ANK2: variants seen among roughly 807,000 people sequenced by gnomAD.
The protein encoded by ANK2 is ankyrin 2.
In ANK2, 83 loss-of-function variants were observed where a neutral mutation model predicts 360.5. The observed-to-expected ratio is 0.23, with a 90% CI of 0.19 to 0.28. ANK2 has a LOEUF of 0.28. Among genes scored for constraint, ANK2 ranks in the 10% least tolerant of loss-of-function variants. The pLI, the probability that ANK2 is intolerant of heterozygous loss-of-function variation, is 1.00. For synonymous variants in ANK2, 1,740 were observed against 1,759.5 expected, an observed-to-expected ratio of 0.99 and a Z score of 0.28; for missense variants, 4,201 against 4,795.7, an observed-to-expected ratio of 0.88 and a Z score of 3.66.
At chr4:112,783,894 C>T in the ANK2 span, among the ~76,000 whole-genome samples, 1 of 152,046 alleles carries the variant, frequency 6.6e-6, no homozygotes, top group South Asian at 2.1e-4. Context: ...CGTGATCCGA[C>T]CACCTCAGCC....
In ANK2 at chr4:113,151,354, C is replaced by T. The variant is rs908349088; in HGVS notation, c.85-23062C>T. ...TCTGCAAGCTGTACAAGAAGCATTG[C>T]ACCAGCATCTGCTTTTGGTGAGGGC... is the stretch of plus-strand genomic sequence containing the variant. On this transcript the variant is annotated intron_variant, in intron 1 of 45. Transcript: ENST00000357077. 4.4e-5 allele frequency: 14 copies of T among 318,940 alleles called. No homozygotes were observed. In the Admixed American group the frequency reaches 6.2e-4, roughly 14 times the overall value. The allele number at this position is 318,940 out of a possible 1,614,324, so 19.8% of individuals were successfully genotyped here. A position where few individuals can be genotyped will look rare whatever the true frequency, so the allele number is the denominator to read the frequency against.
the ANK2 span, among the ~76,000 whole-genome samples, chr4:112,812,078 A>AAAT: frequency 8.3e-6 from 1 of 120,246 alleles, no homozygotes; most frequent in African/African-American, 4.2e-5. Flanking sequence ...CCGTCTCAAA[A>AAAT]AAAAAAAAAA....
intron 1 of ANK2, among the ~76,000 whole-genome samples, chr4:113,131,050 CTG>C (rs2095994663): frequency 6.6e-6 from 1 of 152,164 alleles, no homozygotes; most frequent in South Asian, 2.1e-4. Flanking sequence ...TGTTAATGCA[CTG>C]TGTTTCCATC....
intron 15 of ANK2, 72 bp downstream of exon 15, chr4:113,274,721 T>C: frequency 1.3e-6 from 2 of 1,512,524 alleles, no homozygotes; most frequent in Non-Finnish European, 1.8e-6. Flanking sequence ...CTCTACCACA[T>C]ACAGAATCAA....
chr4:113,336,355 C>A, intron 30 of ANK2: 1 of 587,756 alleles, frequency 1.7e-6, no homozygotes, highest in South Asian at 2.4e-5. Flanking sequence ...TCAGATTATT[C>A]CTAGTAAGCA....
chr4:112,826,382 G>T, intron 1 of ANK2: 1 of 1,001,954 alleles, frequency 1.0e-6, no homozygotes. Context: ...AACCTGAAAA[G>T]CCAGTTGTCC....
intron 2 of ANK2, among the ~76,000 whole-genome samples, chr4:113,032,964 A>G (rs1013450796): frequency 7.2e-5 from 11 of 152,056 alleles, no homozygotes; most frequent in Non-Finnish European, 1.5e-4. Context: ...GACATTCACT[A>G]TATCATAAAA....
upstream of ANK2, among the ~76,000 whole-genome samples, chr4:113,047,841 C>T (rs1291626144): frequency 4.0e-5 from 6 of 151,786 alleles, no homozygotes; most frequent in East Asian, 1.9e-4. Flanking sequence ...CAGATGATGA[C>T]GTGGAGGGGC....
At chr4:113,019,966 A>G (rs1322497219) in intron 2 of ANK2, among the ~76,000 whole-genome samples, 1 of 152,110 alleles carries the variant, frequency 6.6e-6, no homozygotes, top group Non-Finnish European at 1.5e-5. Flanking sequence ...ATTGTTTATT[A>G]TGTGAAAGAT....
chr4:112,759,190 C>T, the ANK2 span, among the ~76,000 whole-genome samples: 1 of 152,074 alleles, frequency 6.6e-6, no homozygotes, highest in Non-Finnish European at 1.5e-5. Context: ...GTTTAGAGTG[C>T]AGGGGCGTGA....
the ANK2 span, among the ~76,000 whole-genome samples, chr4:112,725,861 G>A: frequency 0.69 from 105,528 of 151,984 alleles, 36,754 homozygotes; most frequent in African/African-American, 0.72. Context: ...TAGCACAACA[G>A]TGTAAATGTG....
chr4:112,920,808 A>T (rs2091279386), intron 2 of ANK2, among the ~76,000 whole-genome samples: 2 of 152,110 alleles, frequency 1.3e-5, no homozygotes, highest in South Asian at 4.1e-4. Flanking sequence ...TGGCACATAC[A>T]TGTACTTGAG....
At chr4:112,811,814 C>A in the ANK2 span, among the ~76,000 whole-genome samples, 5 of 152,252 alleles carry the variant, frequency 3.3e-5, no homozygotes, top group African/African-American at 1.2e-4. Flanking sequence ...CGGTGGCTCA[C>A]GCCTGTAATC....
intron 37 of ANK2, chr4:113,350,744 T>TCAC: frequency 6.5e-6 from 1 of 154,980 alleles, no homozygotes; most frequent in Admixed American, 6.4e-5. Flanking sequence ...CCCTCCCCCA[T>TCAC]CACTCTTTTG....
chr4:113,120,132 G>A (rs2095253193), intron 1 of ANK2, among the ~76,000 whole-genome samples: 4 of 151,912 alleles, frequency 2.6e-5, no homozygotes, highest in Admixed American at 2.0e-4. Flanking sequence ...ATTTAAATAT[G>A]GTATAGTACC....
the ANK2 span, among the ~76,000 whole-genome samples, chr4:112,765,364 CTTTT>C: frequency 6.6e-6 from 1 of 152,086 alleles, no homozygotes; most frequent in East Asian, 1.9e-4. Flanking sequence ...TTCCTCATCC[CTTTT>C]TTTATGACCT....
chr4:113,346,503 T>C (rs1490354114), intron 35 of ANK2, among the ~76,000 whole-genome samples: 1 of 152,158 alleles, frequency 6.6e-6, no homozygotes, highest in Non-Finnish European at 1.5e-5. Context: ...TGCCCCGTGA[T>C]ATTTTATTTT....
At chr4:113,318,430 C>A in intron 25 of ANK2, 87 bp from the exon 26 acceptor site, 1 of 1,066,348 alleles carries the variant, frequency 9.4e-7, no homozygotes, top group Middle Eastern at 2.0e-4. Flanking sequence ...ATACCACTTT[C>A]CAGTGATGAC....
chr4:113,350,405 G>T, intron 37 of ANK2, 156 bp downstream of exon 37: 1 of 622,906 alleles, frequency 1.6e-6, no homozygotes, highest in Non-Finnish European at 2.6e-6. Context: ...AAAGCAGCTT[G>T]GCCAGTTAAA....
Sources: allele counts gnomAD v4.1 joint callset (sites outside exome capture counted in the v4.1 genomes callset), GRCh38; gene constraint gnomAD v4.1.1; transcripts MANE v1.5; gene names NCBI Gene and HGNC (gene_info 2026-07-23, HGNC 2026-07-21).